C9: variants seen among roughly 807,000 people sequenced by gnomAD.
The protein encoded by C9 is complement C9.
C9 carries 63 observed loss-of-function variants against 65.4 expected under a neutral mutation model. The observed-to-expected ratio is 0.96, with a 90% CI of 0.79 to 1.19. The LOEUF (loss-of-function observed/expected upper bound fraction) is 1.19, where lower values mean the gene tolerates loss of function less well. C9 is among the 50% of genes most tolerant of loss of function. The probability of loss-of-function intolerance (pLI) is 0.00; values close to 1 mark genes in which losing one functional copy is unlikely to be tolerated. For synonymous variants in C9, 229 were observed against 227.9 expected, an observed-to-expected ratio of 1.00 and a Z score of -0.04; for missense variants, 744 against 670.1, an observed-to-expected ratio of 1.11 and a Z score of -1.22.
At chr5:39,289,496 G>T (rs1249152109) in intron 9 of C9, among the ~76,000 whole-genome samples, 5 of 151,736 alleles carry the variant, frequency 3.3e-5, no homozygotes, top group Admixed American at 2.6e-4. Context: ...TAGAGGGAAG[G>T]AATATAGAAG....
chr5:39,341,333 C>A (rs763004551), intron 3 of C9, 40 bp from the exon 4 acceptor site: 30 of 1,609,068 alleles, frequency 1.9e-5, no homozygotes, highest in Non-Finnish European at 2.5e-5. Context: ...TATCTAATGT[C>A]AAATTTTCTC....
chr5:39,305,734 C>A (rs1432128835), intron 9 of C9, among the ~76,000 whole-genome samples: 1 of 151,852 alleles, frequency 6.6e-6, no homozygotes, highest in East Asian at 1.9e-4. Flanking sequence ...AAGAACTTGA[C>A]TATGAACTCC....
At chr5:39,293,559 C>A (rs1413286306) in intron 9 of C9, among the ~76,000 whole-genome samples, 2 of 151,894 alleles carry the variant, frequency 1.3e-5, no homozygotes, top group East Asian at 1.9e-4. Flanking sequence ...CACCCAGATA[C>A]ATAAAGCAAA....
intron 1 of C9, among the ~76,000 whole-genome samples, chr5:39,359,742 G>T (rs1754480821): frequency 6.6e-6 from 1 of 152,166 alleles, no homozygotes; most frequent in African/African-American, 2.4e-5. Flanking sequence ...GCCTCACTTG[G>T]CTGAGGTGCA....
chr5:39,307,902 A>C (rs889661919), intron 8 of C9, among the ~76,000 whole-genome samples: 6 of 152,108 alleles, frequency 3.9e-5, no homozygotes, highest in Non-Finnish European at 7.4e-5. Flanking sequence ...CTTATTTGGA[A>C]GCTTTGTTAA....
chr5:39,285,763 C>T (rs1752981639), intron 10 of C9, among the ~76,000 whole-genome samples: 1 of 150,602 alleles, frequency 6.6e-6, no homozygotes, highest in Non-Finnish European at 1.5e-5. Context: ...TGGTTGAGAG[C>T]CATTGGTCTA....
At chr5:39,345,475 A>G (rs1168905924) in intron 1 of C9, among the ~76,000 whole-genome samples, 1 of 152,256 alleles carries the variant, frequency 6.6e-6, no homozygotes, top group Non-Finnish European at 1.5e-5. Flanking sequence ...AGAGCTAACT[A>G]TCCTAAATAC....
At chr5:39,285,762 G>C (rs1174541963) in intron 10 of C9, among the ~76,000 whole-genome samples, 14 of 151,482 alleles carry the variant, frequency 9.2e-5, no homozygotes, top group African/African-American at 2.9e-4. Flanking sequence ...CTGGTTGAGA[G>C]CCATTGGTCT....
At chr5:39,326,984 A>T (rs1753756811) in intron 5 of C9, among the ~76,000 whole-genome samples, 4 of 152,204 alleles carry the variant, frequency 2.6e-5, no homozygotes, top group African/African-American at 9.7e-5. Flanking sequence ...AGTATACAAT[A>T]TAGTTTTTCA....
At chr5:39,356,534 C>G (rs1754415800) in intron 1 of C9, among the ~76,000 whole-genome samples, 2 of 152,234 alleles carry the variant, frequency 1.3e-5, no homozygotes, top group East Asian at 1.9e-4. Flanking sequence ...CTACTTTAAG[C>G]TTACACCTAA....
chr5:39,310,610 A>C (rs1008699768), intron 7 of C9, among the ~76,000 whole-genome samples: 2 of 152,016 alleles, frequency 1.3e-5, no homozygotes, highest in African/African-American at 4.8e-5. Context: ...ACCACCATAT[A>C]ATGAGAAGTG....
chr5:39,305,143 T>A (rs921623979), intron 9 of C9, among the ~76,000 whole-genome samples: 2 of 152,276 alleles, frequency 1.3e-5, no homozygotes, highest in Non-Finnish European at 2.9e-5. Context: ...GAGTTCAAGA[T>A]AATGAATTTG....
intron 1 of C9, among the ~76,000 whole-genome samples, chr5:39,352,869 A>C (rs1293686146): frequency 6.6e-6 from 1 of 151,284 alleles, no homozygotes; most frequent in Non-Finnish European, 1.5e-5. Context: ...ATAATGCAAT[A>C]GGCAGAATAA....
chr5:39,363,638 C>G (rs773655538), intron 1 of C9, among the ~76,000 whole-genome samples: 7 of 152,172 alleles, frequency 4.6e-5, no homozygotes, highest in Non-Finnish European at 1.0e-4. Flanking sequence ...GATGTCTACT[C>G]TGATGACTCC....
chr5:39,327,162 C>T (rs1753761440), intron 5 of C9, among the ~76,000 whole-genome samples: 1 of 152,074 alleles, frequency 6.6e-6, no homozygotes, highest in South Asian at 2.1e-4. Context: ...GAGTGGCAAT[C>T]AAAAATCAGA....
At chr5:39,317,859 GT>G (rs1167312556) in intron 5 of C9, among the ~76,000 whole-genome samples, 5,485 of 146,914 alleles carry the variant, frequency 0.037, 247 homozygotes, top group African/African-American at 0.11. Context: ...TTTTAAAATG[GT>G]TTTTTTTTTT....
chr5:39,350,942 C>T (rs1358425595), intron 1 of C9, among the ~76,000 whole-genome samples: 1 of 152,198 alleles, frequency 6.6e-6, no homozygotes, highest in African/African-American at 2.4e-5. Context: ...CTCCACATTG[C>T]CCAAGTAGAG....
chr5:39,356,008 C>T (rs1393710677), intron 1 of C9, among the ~76,000 whole-genome samples: 1 of 152,160 alleles, frequency 6.6e-6, no homozygotes, highest in Non-Finnish European at 1.5e-5. Context: ...AGAACTTCAA[C>T]ATATGAAATG....
At chr5:39,317,678 C>T (rs925921974) in intron 5 of C9, among the ~76,000 whole-genome samples, 2 of 152,086 alleles carry the variant, frequency 1.3e-5, no homozygotes, top group Admixed American at 6.5e-5. Flanking sequence ...TTTCTGAGTT[C>T]TCTATTGTGT....
Sources: allele counts gnomAD v4.1 joint callset (sites outside exome capture counted in the v4.1 genomes callset), GRCh38; gene constraint gnomAD v4.1.1; transcripts MANE v1.5; gene names NCBI Gene and HGNC (gene_info 2026-07-23, HGNC 2026-07-21).